Variants in RBM47 observed in about 807,000 individuals in gnomAD.
RBM47 encodes the protein RNA-binding protein 47.
In RBM47, 21 loss-of-function variants were observed where a neutral mutation model predicts 47.1. That is an observed-to-expected ratio of 0.45 (90% confidence interval 0.32 to 0.64). The LOEUF (loss-of-function observed/expected upper bound fraction) is 0.64. Ranked by LOEUF, RBM47 falls within the 30% of genes least tolerant of loss-of-function variation. The pLI is 0.05. For synonymous variants in RBM47, 375 were observed against 361.7 expected (o/e 1.04, Z -0.42); for missense variants, 708 against 870.9 (o/e 0.81, Z 2.35).
chr4:40,616,145 G>A (rs1736695964), intron 1 of RBM47, among the ~76,000 whole-genome samples: 1 of 152,116 alleles, frequency 6.6e-6, no homozygotes, highest in African/African-American at 2.4e-5. Context: ...GAGGTCAGGA[G>A]ATCGAGACCA....
intron 1 of RBM47, among the ~76,000 whole-genome samples, chr4:40,584,908 A>G (rs1733393863): frequency 6.6e-6 from 1 of 152,178 alleles, no homozygotes; most frequent in South Asian, 2.1e-4. Context: ...CAAAATGGAA[A>G]GATCAGAAAG....
intron 2 of RBM47, chr4:40,475,819 C>T (rs1410552395): frequency 6.6e-6 from 1 of 152,144 alleles, no homozygotes; most frequent in Non-Finnish European, 1.5e-5. Context: ...CATTGGTCAA[C>T]GAAATGAGCT....
chr4:40,464,380 T>A (rs1560388443), intron 3 of RBM47, among the ~76,000 whole-genome samples: 1 of 152,208 alleles, frequency 6.6e-6, no homozygotes, highest in East Asian at 1.9e-4. Context: ...TACATACCTA[T>A]GATTAAGTTT....
At chr4:40,557,750 A>C (rs199835928) in intron 1 of RBM47, among the ~76,000 whole-genome samples, 2 of 16,068 alleles carry the variant, frequency 1.2e-4, no homozygotes, top group Non-Finnish European at 5.1e-4. Context: ...ACCCCACCTT[A>C]AAAAAAAAAA....
Position 40,438,402 on chromosome 4 carries a change from G to A in RBM47, c.492C>T (p.Arg164=), listed in dbSNP as rs1449001285. Residue 164 remains arginine (R), a synonymous_variant, in exon 4 of 7, where the codon CGC becomes CGT. Transcript: ENST00000295971. ...FIGGIPKMKK[R]EEILEEIAKV... Reference sequence around the variant, plus strand: ...TGGCAATCTCCTCCAGGATTTCCTCGCGCTTCTTCATCTTGGGGATCCCGC... The same window carrying A: ...TGGCAATCTCCTCCAGGATTTCCTCACGCTTCTTCATCTTGGGGATCCCGC... 6.2e-7 allele frequency: 1 copy of A among 1,613,174 alleles called. No individual in the cohort carries two copies. Among genetic ancestry groups the A allele is most frequent in the South Asian group, 1.1e-5 (1 of 91,080 alleles).
At chr4:40,434,173 A>T (rs1429828965) in intron 5 of RBM47, among the ~76,000 whole-genome samples, 1 of 152,238 alleles carries the variant, frequency 6.6e-6, no homozygotes, top group African/African-American at 2.4e-5. Context: ...ATTGTAAGCT[A>T]AACAATGGTA....
At chr4:40,522,374 AG>A (rs992274805) in intron 2 of RBM47, among the ~76,000 whole-genome samples, 1 of 152,082 alleles carries the variant, frequency 6.6e-6, no homozygotes, top group African/African-American at 2.4e-5. Context: ...GCGTGGTGGC[AG>A]GCGCCTGTAA....
At chr4:40,601,907 G>A (rs974921369) in intron 1 of RBM47, among the ~76,000 whole-genome samples, 3 of 152,318 alleles carry the variant, frequency 2.0e-5, no homozygotes, top group South Asian at 2.1e-4. Context: ...GGTGGCTCAC[G>A]CCTGTAACCC....
intron 1 of RBM47, among the ~76,000 whole-genome samples, chr4:40,551,649 CTTTT>C (rs59601849): frequency 3.7e-5 from 5 of 134,638 alleles, no homozygotes; most frequent in Admixed American, 7.6e-5. Flanking sequence ...GCGTACTTTT[CTTTT>C]TTTTTTTTTT....
intron 1 of RBM47, among the ~76,000 whole-genome samples, chr4:40,612,466 C>T (rs976308206): frequency 6.6e-6 from 1 of 152,136 alleles, no homozygotes; most frequent in East Asian, 1.9e-4. Context: ...GAACCAAGAT[C>T]GCACCACTGC....
intron 1 of RBM47, among the ~76,000 whole-genome samples, chr4:40,593,225 C>G (rs1461763820): frequency 1.3e-5 from 2 of 150,134 alleles, no homozygotes; most frequent in East Asian, 4.0e-4. Context: ...GTCTCGATCT[C>G]CTGACCTCGT....
At chr4:40,499,203 T>TA (rs904583484) in intron 2 of RBM47, among the ~76,000 whole-genome samples, 4 of 152,150 alleles carry the variant, frequency 2.6e-5, no homozygotes, top group African/African-American at 9.7e-5. Flanking sequence ...TTGTAATTTT[T>TA]AAAAAACAAA....
At chr4:40,592,835 C>T (rs569134786) in intron 1 of RBM47, among the ~76,000 whole-genome samples, 5 of 149,434 alleles carry the variant, frequency 3.3e-5, no homozygotes, top group Non-Finnish European at 7.4e-5. Flanking sequence ...CCACAGCACT[C>T]GACCCCTTAT....
intron 1 of RBM47, among the ~76,000 whole-genome samples, chr4:40,596,818 G>A: frequency 6.6e-6 from 1 of 152,008 alleles, no homozygotes; most frequent in Non-Finnish European, 1.5e-5. Context: ...GAGAGAGAGA[G>A]AATCAAGTTG....
intron 1 of RBM47, among the ~76,000 whole-genome samples, chr4:40,611,884 T>C (rs1360961785): frequency 6.6e-6 from 1 of 152,032 alleles, no homozygotes; most frequent in East Asian, 1.9e-4. Flanking sequence ...ATATCATTGA[T>C]TATATATATA....
chr4:40,479,809 G>C (rs891468898), intron 2 of RBM47, among the ~76,000 whole-genome samples: 10 of 151,642 alleles, frequency 6.6e-5, no homozygotes, highest in Admixed American at 2.0e-4. Flanking sequence ...AGGTACAACT[G>C]TTTTAAAGAT....
At position 40,579,423 on chromosome 4, in the gene RBM47, G is replaced by GA. The variant is rs10653342; in HGVS notation, c.-239-34918dup. Among the ~76,000 whole-genome samples the GA allele has an allele frequency of 8.9e-4, 91 of 102,000 alleles. 4 individuals are homozygous for GA. The South Asian group carries it at 0.016, about 18-fold the overall frequency. The allele number at this position is 102,000 out of a possible 152,430, so 66.9% of individuals were successfully genotyped here. A position where few individuals can be genotyped will look rare whatever the true frequency, so the allele number is the denominator to read the frequency against. ...GGTGACAGAGCGAGACCCTGTCTCA[G>GA]AAAAAAAAAAAAAAAAAATGCAATA... On this transcript the variant is annotated intron_variant, in intron 1 of 6. Transcript: ENST00000295971.
intron 2 of RBM47, among the ~76,000 whole-genome samples, chr4:40,483,746 T>A (rs1720733046): frequency 6.6e-6 from 1 of 152,108 alleles, no homozygotes; most frequent in Non-Finnish European, 1.5e-5. Flanking sequence ...CACTATCATT[T>A]TTTAATCAAC....
At chr4:40,463,709 A>C (rs980032274) in intron 3 of RBM47, among the ~76,000 whole-genome samples, 1 of 151,478 alleles carries the variant, frequency 6.6e-6, no homozygotes, top group Admixed American at 6.6e-5. Context: ...GGGAGGGAAT[A>C]GGCTTTTATT....
Sources: gnomAD v4.1 joint callset for allele counts (sites outside exome capture counted in the v4.1 genomes callset) on GRCh38, gnomAD v4.1.1 for gene constraint, MANE v1.5 for transcripts, NCBI Gene and HGNC (gene_info 2026-07-23, HGNC 2026-07-21) for gene names.